Variants in ANPEP observed in about 807,000 individuals in gnomAD.
The protein encoded by ANPEP is alanyl aminopeptidase, membrane.
In ANPEP, 70 loss-of-function variants were observed where a neutral mutation model predicts 114.6. The observed-to-expected ratio is 0.61, with a 90% CI of 0.50 to 0.75. ANPEP has a LOEUF of 0.75. ANPEP is among the 30% of genes least tolerant of loss of function. The pLI, the probability that ANPEP is intolerant of heterozygous loss-of-function variation, is 0.00. For missense variants in ANPEP, 1,184 were observed against 1,259.5 expected (o/e 0.94, Z 0.91); for synonymous variants, 548 against 522.3 (o/e 1.05, Z -0.67).
chr15:89,796,717 G>A (rs1247616048), intron 15 of ANPEP, among the ~76,000 whole-genome samples: 4 of 151,486 alleles, frequency 2.6e-5, no homozygotes, highest in Non-Finnish European at 4.4e-5. Flanking sequence ...GGATGGTCTC[G>A]ATCTGCTGAC....
Position 89,792,489 on chromosome 15 carries a change from G to C in ANPEP, c.2323C>G (p.Leu775Val), listed in dbSNP as rs755320452. 1 of 1,614,152 alleles carries C rather than the reference G, an allele frequency of 6.2e-7. No homozygotes were observed. Among genetic ancestry groups the C allele is most frequent in the South Asian group, 1.1e-5 (1 of 91,082 alleles). Reference sequence around the variant, plus strand: ...GGGTTCTCCATCCACTGCTTGAAAAGGCCAGAGACCATCTCCTCACACTCT... The same window carrying C: ...GGGTTCTCCATCCACTGCTTGAAAACGCCAGAGACCATCTCCTCACACTCT... ...VPECEEMVSG[L>V]FKQWMENPNN... is the part of the protein sequence containing the mutation. Residue 775 changes from leucine (L) to valine (V), a missense_variant, in exon 17 of 21, where the codon CTT becomes GTT. Coordinates refer to ENST00000300060, the MANE Select transcript of ANPEP (RefSeq NM_001150.3).
chr15:89,803,206 AGGAT>A lies in ANPEP; in HGVS notation c.1569+29_1569+32del. 6.2e-7 allele frequency: 1 copy of A among 1,605,604 alleles called. No homozygotes were observed. Among genetic ancestry groups the A allele is most frequent in the Non-Finnish European group, 8.5e-7 (1 of 1,172,244 alleles). ...ACCTTCAGCATCTCAAGACCCCAAC[AGGAT>A]GGCTGTGGAGGGGCTGGCTGCTACT... On this transcript the variant is annotated intron_variant, in intron 10 of 20. Transcript: ENST00000300060. This position sits in a 1 kb window ranked among gnomAD's most constrained non-coding sequence, Gnocchi z 4.2.
At chr15:89,791,599 A>ATTTTTTTTTTTTTT (rs10596905) in intron 18 of ANPEP, among the ~76,000 whole-genome samples, 8 of 135,268 alleles carry the variant, frequency 5.9e-5, no homozygotes, top group Admixed American at 2.2e-4. Context: ...CACCATGCCT[A>ATTTTTTTTTTTTTT]TTTTTTTTTT....
Position 89,805,412 on chromosome 15 carries a change from T to C in ANPEP, c.666A>G (p.Pro222=). 6.2e-7 allele frequency: 1 copy of C among 1,614,136 alleles called. No individual in the cohort carries two copies. The highest frequency in any genetic ancestry group is 8.5e-7 in the Non-Finnish European group (1 of 1,180,000). The stretch of plus-strand genomic sequence containing the variant: ...CCTTCATGGCCGGCTCATCGAAGCA[T>C]GGGAAGGACTTCCGGGCATCTGCAG... ...MQAADARKSF[P]CFDEPAMKAE... is the part of the protein sequence containing the mutation. The change falls in exon 3 of 21, where the codon CCA becomes CCG. Residue 222 remains proline (P), a synonymous_variant. Coordinates refer to ENST00000300060, the MANE Select transcript of ANPEP (RefSeq NM_001150.3).
rs775773540 is a variant in ANPEP, at chr15:89,799,322, T to C, written c.1954-7A>G. ...GATTGATGACAGGGATGGCCTAGAA[T>C]GCGAAGCACAGCATGTGACCATGGG... On this transcript the variant is annotated splice_region_variant and splice_polypyrimidine_tract_variant and intron_variant, in intron 13 of 20. Transcript: ENST00000300060. The surrounding 1 kb of genome is among the most constrained non-coding windows in gnomAD (Gnocchi z 4.2). The C allele has an allele frequency of 1.2e-6, 2 of 1,614,150 alleles. No homozygotes were observed. Among genetic ancestry groups the C allele is most frequent in the Admixed American group, 3.3e-5 (2 of 60,028 alleles).
chr15:89,792,253 GCGAAGT>G lies in ANPEP; in HGVS notation c.2429_2434del (p.Asp810_Phe811del). ...TGTGGCATTTCGGAACTGCTCCCAG[GCGAAGT>G]CCCACTCCTCCTCCCCGCCCTGGGC... On this transcript the variant is annotated inframe_deletion, in exon 18 of 21. Transcript: ENST00000300060. 1 of 1,614,232 alleles carries G rather than the reference GCGAAGT, an allele frequency of 6.2e-7. No individual in the cohort carries two copies. Among genetic ancestry groups the G allele is most frequent in the Non-Finnish European group, 8.5e-7 (1 of 1,180,044 alleles).
chr15:89,798,206 A>C (rs372646435), intron 14 of ANPEP, among the ~76,000 whole-genome samples: 2 of 152,256 alleles, frequency 1.3e-5, no homozygotes, highest in South Asian at 2.1e-4. Context: ...ACTCATGTCC[A>C]AGAGCTTAGA....
Position 89,806,838 on chromosome 15 carries a change from C to T in ANPEP, c.-223-32G>A, listed in dbSNP as rs1894726868. 5.9e-6 allele frequency: 3 copies of T among 506,932 alleles called. No homozygotes were observed. The East Asian group carries it at 1.0e-4, about 18-fold the overall frequency. 31.4% of individuals were successfully genotyped at this position (506,932 alleles called of 1,614,324 possible). A position where few individuals can be genotyped will look rare whatever the true frequency, so the allele number is the denominator to read the frequency against. On this transcript the variant is annotated intron_variant, in intron 1 of 20. Coordinates refer to ENST00000300060, the MANE Select transcript of ANPEP (RefSeq NM_001150.3). The surrounding 1 kb of genome is among the most constrained non-coding windows in gnomAD (Gnocchi z 5.7). ...GAAGCAAACAGTGTCTGGTTACAGG[C>T]TGCAGGCGGCCTGGGATCAGGCCCG...
intron 15 of ANPEP, chr15:89,797,327 G>T: frequency 4.7e-6 from 2 of 428,318 alleles, no homozygotes; most frequent in Non-Finnish European, 8.1e-6. Flanking sequence ...TTTGCCCCAC[G>T]CAGCCTCCTC....
At position 89,785,268 on chromosome 15, in the gene ANPEP, A is replaced by AATGGAGGCCC; in HGVS notation, c.*71_*80dup. ...GGACACTGGTGCCTCGGGCTCCAGG[A>AATGGAGGCCC]ATGGAGGCCCTGCACCAGCCGCTGG... On this transcript the variant is annotated 3_prime_UTR_variant, in exon 21 of 21. Transcript: ENST00000300060. 1.9e-6 allele frequency: 3 copies of AATGGAGGCCC among 1,556,460 alleles called. No individual in the cohort carries two copies. In the South Asian group the frequency reaches 3.4e-5, roughly 18 times the overall value.
rs573430553 is a variant in ANPEP, at chr15:89,799,444, C to T, written c.1935G>A (p.Gln645=). The change falls in exon 13 of 21, where the codon CAG becomes CAA. Residue 645 remains glutamine, a synonymous_variant. Transcript: ENST00000300060. The surrounding 1 kb of genome is among the most constrained non-coding windows in gnomAD (Gnocchi z 4.2). The part of the protein sequence containing the change: ...DEENWRKIQT[Q]LQRDHSAIPV... ...CACTCACCGAGTGGTCTCTCTGCAG[C>T]TGAGTCTGAATCTTCCTCCAGTTCT... 1.9e-5 allele frequency: 30 copies of T among 1,614,194 alleles called. No homozygotes were observed. The African/African-American group carries it at 2.8e-4, about 15-fold the overall frequency.
chr15:89,792,267 C>G lies in ANPEP; in HGVS notation c.2421G>C (p.Glu807Asp), dbSNP rs1828057536. The G allele has an allele frequency of 1.2e-6, 2 of 1,614,132 alleles. No individual in the cohort carries two copies. The highest frequency in any genetic ancestry group is 1.7e-6 in the Non-Finnish European group (2 of 1,180,060). Residue 807 changes from glutamate (E) to aspartate (D), a missense_variant, in exon 18 of 21, where the codon GAG becomes GAC. Coordinates refer to ENST00000300060, the MANE Select transcript of ANPEP (RefSeq NM_001150.3). Reference protein sequence around the residue: ...YCNAIAQGGEEEWDFAWEQFR... With the variant: ...YCNAIAQGGEDEWDFAWEQFR... The stretch of plus-strand genomic sequence containing the variant: ...ACTGCTCCCAGGCGAAGTCCCACTC[C>G]TCCTCCCCGCCCTGGGCGATAGCGT...
intron 11 of ANPEP, 65 bp from the exon 12 acceptor site, chr15:89,801,252 G>T: frequency 6.3e-7 from 1 of 1,582,380 alleles, no homozygotes; most frequent in South Asian, 1.1e-5. Context: ...AGGAGCAGCT[G>T]CCCAGGCTCC....
rs576956830 is a variant in ANPEP at position 89,813,999 on chromosome 15, G to C, written c.-224+773C>G. ...CCTGCCCACCGCACTGCTGGGGGGG[G>C]GGGGTGCGTTCTGGAGTCATTTGGG... On this transcript the variant is annotated intron_variant, in intron 1 of 20. Transcript: ENST00000300060. Among the ~76,000 whole-genome samples, 200 of 151,248 alleles carry C rather than the reference G, an allele frequency of 1.3e-3. 7 individuals are homozygous for C. The highest frequency in any genetic ancestry group is 1.9e-3 in the Admixed American group (29 of 15,266).
In ANPEP at chr15:89,805,450, T is replaced by A. The variant is rs1372911158; in HGVS notation, c.628A>T (p.Thr210Ser). 6.2e-7 allele frequency: 1 copy of A among 1,613,958 alleles called. No homozygotes were observed. The highest frequency in any genetic ancestry group is 1.3e-5 in the African/African-American group (1 of 74,930). ...EGNVRKVVAT[T>S]QMQAADARKS... Reference sequence around the variant, plus strand: ...CGGGCATCTGCAGCCTGCATCTGTGTAGTGGCCACCACCCTGCCCCAACAG... The same window carrying A: ...CGGGCATCTGCAGCCTGCATCTGTGAAGTGGCCACCACCCTGCCCCAACAG... Residue 210 changes from threonine (T) to serine (S), a missense_variant, in exon 3 of 21, where the codon ACA becomes TCA. By Grantham distance (58) the Thr-to-Ser change is moderately conservative. Transcript: ENST00000300060.
At position 89,799,354 on chromosome 15, in the gene ANPEP, G is replaced by T. The variant is rs752162343; in HGVS notation, c.1954-39C>A. ...CACAGCATGTGACCATGGGTTGGCT[G>T]TGGGTGGCAGGCCTTGCAGTCTGGT... is the stretch of plus-strand genomic sequence containing the variant. On this transcript the variant is annotated intron_variant, in intron 13 of 20. Transcript: ENST00000300060. This position sits in a 1 kb window ranked among gnomAD's most constrained non-coding sequence, Gnocchi z 4.2. 2.5e-6 allele frequency: 4 copies of T among 1,614,086 alleles called. No homozygotes were observed. The Admixed American group carries it at 6.7e-5, about 27-fold the overall frequency.
chr15:89,805,422 T>G lies in ANPEP; in HGVS notation c.656A>C (p.Lys219Thr), dbSNP rs772787173. The G allele has an allele frequency of 2.5e-6, 4 of 1,614,196 alleles. No individual in the cohort carries two copies. The Admixed American group carries it at 6.7e-5, about 27-fold the overall frequency. The stretch of plus-strand genomic sequence containing the variant: ...CGGCTCATCGAAGCATGGGAAGGAC[T>G]TCCGGGCATCTGCAGCCTGCATCTG... ...TTQMQAADAR[K>T]SFPCFDEPAM... Residue 219 changes from lysine (K) to threonine (T), a missense_variant, in exon 3 of 21, where the codon AAG (lysine) becomes ACG (threonine). Lys to Thr is a moderately conservative substitution (Grantham distance 78, BLOSUM62 -1). Coordinates refer to ENST00000300060, the MANE Select transcript of ANPEP (RefSeq NM_001150.3).
chr15:89,795,091 GAA>G (rs57368902), intron 15 of ANPEP, among the ~76,000 whole-genome samples: 1,632 of 130,330 alleles, frequency 0.013, 11 homozygotes, highest in Middle Eastern at 0.023. Flanking sequence ...CGAGTCAATG[GAA>G]AAAAAAAAAA....
intron 14 of ANPEP, among the ~76,000 whole-genome samples, chr15:89,798,514 G>C (rs1968771630): frequency 6.6e-6 from 1 of 151,868 alleles, no homozygotes; most frequent in South Asian, 2.1e-4. Flanking sequence ...GCACATGCCT[G>C]TAATCCTAGC....
Sources: allele counts gnomAD v4.1 joint callset (sites outside exome capture counted in the v4.1 genomes callset), GRCh38; gene constraint gnomAD v4.1.1; non-coding constraint Gnocchi (gnomAD v3.1); transcripts MANE v1.5; gene names NCBI Gene and HGNC (gene_info 2026-07-23, HGNC 2026-07-21).